The following PLXNA4 variants were observed in gnomAD, a reference collection of about 807,000 sequenced individuals.
PLXNA4 encodes the protein plexin A4.
Under a neutral mutation model 191.8 loss-of-function variants are expected in PLXNA4, and 44 were observed. The ratio of observed to expected loss-of-function variants is 0.23; its 90% CI spans 0.18 to 0.29. PLXNA4 has a LOEUF of 0.29. PLXNA4 is among the 10% of genes least tolerant of loss of function. The probability of loss-of-function intolerance (pLI) is 1.00; values close to 1 mark genes in which losing one functional copy is unlikely to be tolerated. For missense variants in PLXNA4, 1,800 were observed against 2,488.8 expected, an observed-to-expected ratio of 0.72 and a Z score of 5.89; for synonymous variants, 1,082 against 1,009.5, an observed-to-expected ratio of 1.07 and a Z score of -1.36.
intron 17 of PLXNA4, 117 bp from the exon 18 acceptor site, chr7:132,181,737 T>C: frequency 1.4e-6 from 2 of 1,475,604 alleles, no homozygotes; most frequent in South Asian, 1.4e-5. Flanking sequence ...ACAAGAGGAT[T>C]AGAGATGAGT....
At chr7:132,459,146 G>T (rs1004285219) in intron 3 of PLXNA4, among the ~76,000 whole-genome samples, 2 of 152,178 alleles carry the variant, frequency 1.3e-5, no homozygotes, top group African/African-American at 4.8e-5. Context: ...CCACCCAGCC[G>T]TGGAGCATTT....
intron 1 of PLXNA4, among the ~76,000 whole-genome samples, chr7:132,566,268 A>C (rs1036202822): frequency 6.6e-6 from 1 of 151,920 alleles, no homozygotes; most frequent in Non-Finnish European, 1.5e-5. Flanking sequence ...TTTTACCCCA[A>C]CCCACATACA....
intron 2 of PLXNA4, among the ~76,000 whole-genome samples, chr7:132,586,343 C>T (rs1053889208): frequency 6.6e-6 from 1 of 152,186 alleles, no homozygotes; most frequent in Non-Finnish European, 1.5e-5. Flanking sequence ...GAAAAAGAAA[C>T]TTTTGCTGAA....
At chr7:132,172,399 C>T (rs1220836893) in intron 21 of PLXNA4, among the ~76,000 whole-genome samples, 2 of 152,172 alleles carry the variant, frequency 1.3e-5, no homozygotes, top group East Asian at 3.9e-4. Context: ...CTTGAGGGGG[C>T]TGGGTGACCT....
At chr7:132,430,509 A>G (rs1181956011) in intron 3 of PLXNA4, among the ~76,000 whole-genome samples, 2 of 152,178 alleles carry the variant, frequency 1.3e-5, no homozygotes, top group Non-Finnish European at 2.9e-5. Context: ...AGTTGAGCTA[A>G]GCCTGACAAG....
intron 1 of PLXNA4, among the ~76,000 whole-genome samples, chr7:132,570,202 T>C (rs1801915305): frequency 6.6e-6 from 1 of 152,242 alleles, no homozygotes; most frequent in South Asian, 2.1e-4. Context: ...CCCCGCAGAA[T>C]ATACTTTGGG....
At chr7:132,325,375 G>T (rs1382702409) in intron 3 of PLXNA4, among the ~76,000 whole-genome samples, 1 of 152,132 alleles carries the variant, frequency 6.6e-6, no homozygotes, top group Non-Finnish European at 1.5e-5. Flanking sequence ...TAGCACCCAA[G>T]GGCATCTCAG....
intron 3 of PLXNA4, among the ~76,000 whole-genome samples, chr7:132,320,174 G>C (rs1345182623): frequency 2.0e-5 from 3 of 152,192 alleles, no homozygotes; most frequent in Non-Finnish European, 4.4e-5. Flanking sequence ...GCCATAACAG[G>C]TGACCACAAA....
At chr7:132,593,985 C>A (rs1802654094) in intron 2 of PLXNA4, among the ~76,000 whole-genome samples, 1 of 152,200 alleles carries the variant, frequency 6.6e-6, no homozygotes, top group Admixed American at 6.5e-5. Flanking sequence ...AACCAAGAGA[C>A]CCAGACCCAG....
At chr7:132,297,405 T>C (rs1388735541) in intron 4 of PLXNA4, among the ~76,000 whole-genome samples, 3 of 152,166 alleles carry the variant, frequency 2.0e-5, no homozygotes, top group Non-Finnish European at 2.9e-5. Context: ...CTTTGCCTGC[T>C]GCAGACATAT....
intron 25 of PLXNA4, among the ~76,000 whole-genome samples, chr7:132,154,972 G>A (rs1401459864): frequency 6.6e-6 from 1 of 152,250 alleles, no homozygotes; most frequent in African/African-American, 2.4e-5. Context: ...CCCATCAGGT[G>A]CAGAGGAAAA....
At chr7:132,408,556 C>T (rs754298833) in intron 3 of PLXNA4, among the ~76,000 whole-genome samples, 1 of 152,026 alleles carries the variant, frequency 6.6e-6, no homozygotes, top group Non-Finnish European at 1.5e-5. Context: ...CTCTACCACC[C>T]GGGTTCAAGT....
chr7:132,298,582 C>T (rs6951966), intron 3 of PLXNA4, among the ~76,000 whole-genome samples: 78,861 of 152,122 alleles, frequency 0.52, 21,966 homozygotes, highest in African/African-American at 0.71. Flanking sequence ...CAGATCAGAG[C>T]GTCACCCTGC....
At chr7:132,424,294 A>AC (rs572579138) in intron 3 of PLXNA4, among the ~76,000 whole-genome samples, 24 of 152,252 alleles carry the variant, frequency 1.6e-4, no homozygotes, top group Non-Finnish European at 3.4e-4. Context: ...TCTCTGAGCA[A>AC]CTTTTGGAAA....
chr7:132,515,680 A>G (rs1798910577), intron 1 of PLXNA4, among the ~76,000 whole-genome samples: 1 of 152,170 alleles, frequency 6.6e-6, no homozygotes, highest in Non-Finnish European at 1.5e-5. Flanking sequence ...ACACTTCCCT[A>G]TCTGCTGAGC....
chr7:132,235,848 T>C (rs1487295642), intron 5 of PLXNA4, among the ~76,000 whole-genome samples: 3 of 152,186 alleles, frequency 2.0e-5, no homozygotes, highest in Non-Finnish European at 2.9e-5. Context: ...GAGATAGCTG[T>C]GATAGGGCGA....
intron 1 of PLXNA4, among the ~76,000 whole-genome samples, chr7:132,568,658 C>T (rs921950738): frequency 6.6e-6 from 1 of 152,162 alleles, no homozygotes; most frequent in Non-Finnish European, 1.5e-5. Context: ...GCTTCTTCAC[C>T]ATTATTAAAA....
intron 4 of PLXNA4, among the ~76,000 whole-genome samples, chr7:132,263,031 A>G (rs558117834): frequency 4.6e-5 from 7 of 152,208 alleles, no homozygotes; most frequent in Admixed American, 3.9e-4. Flanking sequence ...GACCCCTCGT[A>G]AGCTTCCAGT....
intron 3 of PLXNA4, among the ~76,000 whole-genome samples, chr7:132,300,997 G>A (rs1174026615): frequency 4.6e-5 from 7 of 152,226 alleles, no homozygotes; most frequent in Non-Finnish European, 7.3e-5. Flanking sequence ...AAGGAAGCCA[G>A]TTGACTTGGG....
Sources: gnomAD v4.1 joint callset for allele counts (sites outside exome capture counted in the v4.1 genomes callset) on GRCh38, gnomAD v4.1.1 for gene constraint, MANE v1.5 for transcripts, NCBI Gene and HGNC (gene_info 2026-07-23, HGNC 2026-07-21) for gene names.